SDK1: variants seen among roughly 807,000 people sequenced by gnomAD.
SDK1 encodes the protein protein sidekick-1.
A neutral mutation model predicts 245.5 loss-of-function variants in SDK1; 157 were observed. That is an observed-to-expected ratio of 0.64 (90% CI 0.56 to 0.73). The LOEUF is 0.73. SDK1 is among the 30% of genes least tolerant of loss of function. The pLI is 0.00. For missense variants in SDK1, 3,583 were observed against 3,002.3 expected, an observed-to-expected ratio of 1.19 and a Z score of -4.52; for synonymous variants, 1,647 against 1,278.5, an observed-to-expected ratio of 1.29 and a Z score of -6.15.
At chr7:4,245,887 G>C (rs1197806292) in intron 44 of SDK1, 82 bp downstream of exon 44, 1 of 1,542,854 alleles carries the variant, frequency 6.5e-7, no homozygotes, top group Non-Finnish European at 8.9e-7. Context: ...AGGCTGTCTT[G>C]TCCTATTTGA....
At chr7:3,525,447 G>T (rs986779350) in intron 1 of SDK1, among the ~76,000 whole-genome samples, 4 of 152,224 alleles carry the variant, frequency 2.6e-5, no homozygotes, top group African/African-American at 9.6e-5. Context: ...TGATGGCATA[G>T]TACATTTACT....
intron 26 of SDK1, chr7:4,129,588 T>C: frequency 1.0e-6 from 1 of 1,002,026 alleles, no homozygotes; most frequent in South Asian, 2.2e-5. Flanking sequence ...TCTGTGTTCA[T>C]AATCGAGTCT....
At chr7:3,612,183 C>T (rs546943837) in intron 1 of SDK1, among the ~76,000 whole-genome samples, 281 of 152,230 alleles carry the variant, frequency 1.8e-3, no homozygotes, top group African/African-American at 6.1e-3. Flanking sequence ...CACAAATCAC[C>T]ACTAAAGAAC....
At chr7:3,878,029 C>G (rs1781116332) in intron 5 of SDK1, among the ~76,000 whole-genome samples, 1 of 152,218 alleles carries the variant, frequency 6.6e-6, no homozygotes, top group Non-Finnish European at 1.5e-5. Flanking sequence ...ACCACATTCA[C>G]TTTGGAAAGG....
intron 1 of SDK1, among the ~76,000 whole-genome samples, chr7:3,556,305 G>T (rs1289106921): frequency 6.6e-6 from 1 of 152,076 alleles, no homozygotes; most frequent in Non-Finnish European, 1.5e-5. Flanking sequence ...AAGCACAGAA[G>T]GACAAACTTC....
At chr7:3,615,777 T>G (rs1299127714) in intron 1 of SDK1, among the ~76,000 whole-genome samples, 1 of 151,586 alleles carries the variant, frequency 6.6e-6, no homozygotes, top group East Asian at 1.9e-4. Context: ...TGGACTGGTG[T>G]CCTCCCACTA....
At chr7:3,709,456 G>T (rs1030759748) in intron 4 of SDK1, among the ~76,000 whole-genome samples, 2 of 152,192 alleles carry the variant, frequency 1.3e-5, no homozygotes, top group African/African-American at 2.4e-5. Context: ...TTTCTCTGTG[G>T]ACTGGATTGC....
At chr7:3,304,745 G>C (rs1274715817) in intron 1 of SDK1, among the ~76,000 whole-genome samples, 1 of 152,084 alleles carries the variant, frequency 6.6e-6, no homozygotes, top group African/African-American at 2.4e-5. Context: ...TTATTACCTT[G>C]TGTTTCCCCC....
At chr7:3,316,959 C>T (rs994691801) in intron 1 of SDK1, among the ~76,000 whole-genome samples, 9 of 151,828 alleles carry the variant, frequency 5.9e-5, no homozygotes, top group Non-Finnish European at 1.0e-4. Flanking sequence ...GTGGGCAGAT[C>T]TCTTGAGGCC....
chr7:4,199,146 T>C (rs1224292568), intron 35 of SDK1, among the ~76,000 whole-genome samples: 1 of 152,138 alleles, frequency 6.6e-6, no homozygotes, highest in Non-Finnish European at 1.5e-5. Flanking sequence ...ACAGTCTTTC[T>C]CCAACAGGTT....
chr7:3,776,918 C>G (rs1369793510), intron 4 of SDK1, among the ~76,000 whole-genome samples: 1 of 152,138 alleles, frequency 6.6e-6, no homozygotes, highest in African/African-American at 2.4e-5. Context: ...AGAACTGTAT[C>G]ATAGAGCACG....
intron 1 of SDK1, among the ~76,000 whole-genome samples, chr7:3,507,046 T>A (rs1397570684): frequency 6.6e-6 from 1 of 152,156 alleles, no homozygotes; most frequent in Non-Finnish European, 1.5e-5. Context: ...GGTTTTGAGT[T>A]TTGTTTGGTG....
chr7:3,519,934 G>C (rs1583989877), intron 1 of SDK1, among the ~76,000 whole-genome samples: 1 of 152,142 alleles, frequency 6.6e-6, no homozygotes, highest in South Asian at 2.1e-4. Flanking sequence ...AATATTAATA[G>C]TACTGATGAA....
intron 27 of SDK1, 75 bp from the exon 28 acceptor site, chr7:4,132,250 G>A (rs1033513674): frequency 2.5e-5 from 30 of 1,206,014 alleles, no homozygotes; most frequent in Middle Eastern, 3.8e-4. Context: ...GCTGACCCTC[G>A]GAATCCTGTG....
chr7:3,510,014 G>T (rs1261410510), intron 1 of SDK1, among the ~76,000 whole-genome samples: 1 of 152,186 alleles, frequency 6.6e-6, no homozygotes, highest in East Asian at 1.9e-4. Flanking sequence ...AGCTCCCCAG[G>T]TAGTTCAGAT....
chr7:3,476,603 G>A (rs1191886975), intron 1 of SDK1, among the ~76,000 whole-genome samples: 1 of 152,142 alleles, frequency 6.6e-6, no homozygotes, highest in South Asian at 2.1e-4. Flanking sequence ...CTATGCCATT[G>A]TTTTTTGATT....
At chr7:4,216,599 C>T (rs149919188) in intron 38 of SDK1, among the ~76,000 whole-genome samples, 57 of 152,350 alleles carry the variant, frequency 3.7e-4, no homozygotes, top group East Asian at 2.3e-3. Context: ...AGTGAAACAT[C>T]AGGCATCCTT....
intron 4 of SDK1, among the ~76,000 whole-genome samples, chr7:3,745,949 C>T (rs1030806474): frequency 6.6e-6 from 1 of 152,146 alleles, no homozygotes; most frequent in African/African-American, 2.4e-5. Context: ...CCAGCTCCAC[C>T]ACAGACTAGC....
At chr7:3,357,053 G>GAAA (rs35467524) in intron 1 of SDK1, among the ~76,000 whole-genome samples, 5 of 81,288 alleles carry the variant, frequency 6.2e-5, no homozygotes, top group Non-Finnish European at 9.3e-5. Flanking sequence ...AGACTCTCTC[G>GAAA]AAAAAAAAAA....
Sources: gnomAD v4.1 joint callset for allele counts (sites outside exome capture counted in the v4.1 genomes callset) on GRCh38, gnomAD v4.1.1 for gene constraint, MANE v1.5 for transcripts, NCBI Gene and HGNC (gene_info 2026-07-23, HGNC 2026-07-21) for gene names.